Variants in SPPL2A observed in about 807,000 individuals in gnomAD.
The protein encoded by SPPL2A is signal peptide peptidase-like 2A.
In SPPL2A, 51 loss-of-function variants were observed where a neutral mutation model predicts 63.8. That is an observed-to-expected ratio of 0.80 (90% confidence interval 0.64 to 1.01). The LOEUF is 1.01. Ranked by LOEUF, SPPL2A falls within the 50% of genes least tolerant of loss-of-function variation. The pLI, the probability that SPPL2A is intolerant of heterozygous loss-of-function variation, is 0.00. For synonymous variants in SPPL2A, 188 were observed against 205.8 expected, an observed-to-expected ratio of 0.91 and a Z score of 0.74; for missense variants, 553 against 622.7, an observed-to-expected ratio of 0.89 and a Z score of 1.19.
intron 14 of SPPL2A, among the ~76,000 whole-genome samples, chr15:50,708,771 T>C (rs12913657): frequency 0.13 from 19,754 of 151,142 alleles, 1,320 homozygotes; most frequent in Middle Eastern, 0.2. Flanking sequence ...CGGTGGCTCA[T>C]GCCTGTAATC....
chr15:50,741,765 A>G (rs1013659950), intron 5 of SPPL2A, among the ~76,000 whole-genome samples: 2 of 152,072 alleles, frequency 1.3e-5, no homozygotes, highest in African/African-American at 2.4e-5. Flanking sequence ...TCAGGAGTTG[A>G]TACCAGCCTG....
At chr15:50,744,111 G>A (rs1299832306) in intron 5 of SPPL2A, among the ~76,000 whole-genome samples, 1 of 151,758 alleles carries the variant, frequency 6.6e-6, no homozygotes, top group African/African-American at 2.4e-5. Context: ...CCTGGGAGGT[G>A]GAGGTTGCAG....
intron 1 of SPPL2A, among the ~76,000 whole-genome samples, chr15:50,759,072 TAA>T (rs1452149575): frequency 1.3e-5 from 2 of 152,024 alleles, no homozygotes; most frequent in African/African-American, 4.8e-5. Flanking sequence ...GGCTAATTTA[TAA>T]AGTTTTTTTA....
intron 4 of SPPL2A, 27 bp downstream of exon 4, chr15:50,748,084 CTT>C (rs752657769): frequency 2.2e-6 from 2 of 894,104 alleles, no homozygotes; most frequent in East Asian, 3.0e-5. Flanking sequence ...TATTTATAAA[CTT>C]TATCTAATAT....
chr15:50,744,842 G>C (rs1373200736), intron 5 of SPPL2A, among the ~76,000 whole-genome samples: 2 of 152,200 alleles, frequency 1.3e-5, no homozygotes, highest in Non-Finnish European at 2.9e-5. Flanking sequence ...TTTAGCAGCA[G>C]ATGTGGTGGC....
chr15:50,744,017 A>C (rs1596391945), intron 5 of SPPL2A, among the ~76,000 whole-genome samples: 1 of 152,072 alleles, frequency 6.6e-6, no homozygotes, highest in East Asian at 1.9e-4. Flanking sequence ...TCTACTAAAA[A>C]AAATACAAAA....
chr15:50,736,444 G>T (rs1596387410), intron 7 of SPPL2A, among the ~76,000 whole-genome samples, 200 bp downstream of exon 7: 1 of 152,098 alleles, frequency 6.6e-6, no homozygotes, highest in Admixed American at 6.6e-5. Flanking sequence ...GTCATATGTG[G>T]CTATTGAGCA....
intron 8 of SPPL2A, among the ~76,000 whole-genome samples, chr15:50,734,815 C>T: frequency 6.6e-6 from 1 of 152,268 alleles, no homozygotes; most frequent in Non-Finnish European, 1.5e-5. Flanking sequence ...ATTATGTTCC[C>T]ATAATAATTA....
At chr15:50,718,089 A>G (rs1383656155) in intron 14 of SPPL2A, among the ~76,000 whole-genome samples, 2 of 147,564 alleles carry the variant, frequency 1.4e-5, no homozygotes, top group Non-Finnish European at 3.0e-5. Context: ...CTCCTGCCTC[A>G]GCCTCCCGAG....
At chr15:50,739,008 A>T (rs569626486) in intron 6 of SPPL2A, among the ~76,000 whole-genome samples, 2 of 152,202 alleles carry the variant, frequency 1.3e-5, no homozygotes, top group Non-Finnish European at 2.9e-5. Context: ...TAATTTGAAT[A>T]ATCTTCTATT....
chr15:50,710,870 C>G (rs2062550677), intron 14 of SPPL2A, among the ~76,000 whole-genome samples: 1 of 152,176 alleles, frequency 6.6e-6, no homozygotes, highest in Admixed American at 6.6e-5. Flanking sequence ...AACTTACTAC[C>G]TGCCCAGAGA....
At chr15:50,743,812 C>T (rs2062838966) in intron 5 of SPPL2A, among the ~76,000 whole-genome samples, 1 of 152,058 alleles carries the variant, frequency 6.6e-6, no homozygotes, top group Admixed American at 6.6e-5. Context: ...AAAATTATTT[C>T]TAAAGTTTCC....
At chr15:50,747,168 TTGC>T (rs1008494887) in intron 5 of SPPL2A, among the ~76,000 whole-genome samples, 5 of 152,314 alleles carry the variant, frequency 3.3e-5, no homozygotes, top group Admixed American at 2.6e-4. Context: ...CCACTTTCTC[TTGC>T]TTATTTTCTT....
intron 1 of SPPL2A, among the ~76,000 whole-genome samples, chr15:50,751,988 G>A (rs1323870387): frequency 6.6e-6 from 1 of 151,874 alleles, no homozygotes; most frequent in East Asian, 1.9e-4. Context: ...CTGCCACCAC[G>A]CACAGCTAAT....
At chr15:50,731,886 C>A (rs1034041961) in intron 9 of SPPL2A, among the ~76,000 whole-genome samples, 16 of 142,588 alleles carry the variant, frequency 1.1e-4, no homozygotes, top group African/African-American at 4.2e-4. Flanking sequence ...CGAGATCACA[C>A]CACTGCACTC....
chr15:50,726,129 A>G (rs1449592742), intron 11 of SPPL2A, 192 bp downstream of exon 11: 2 of 1,519,756 alleles, frequency 1.3e-6, no homozygotes, highest in Admixed American at 2.0e-5. Flanking sequence ...CCATCATTCT[A>G]GGATGAAACC....
chr15:50,744,336 T>C (rs1309579673), intron 5 of SPPL2A, among the ~76,000 whole-genome samples: 1 of 152,214 alleles, frequency 6.6e-6, no homozygotes, highest in Non-Finnish European at 1.5e-5. Context: ...ACTCTTAACA[T>C]TTCCCTCTTG....
At chr15:50,752,984 A>G (rs71471515) in intron 1 of SPPL2A, among the ~76,000 whole-genome samples, 1 of 152,298 alleles carries the variant, frequency 6.6e-6, no homozygotes, top group South Asian at 2.1e-4. Flanking sequence ...CTTGTGATTC[A>G]TATCTACAGA....
At chr15:50,752,825 C>T (rs549616653) in intron 1 of SPPL2A, among the ~76,000 whole-genome samples, 1 of 152,072 alleles carries the variant, frequency 6.6e-6, no homozygotes, top group East Asian at 1.9e-4. Context: ...GCTATACATC[C>T]AGATCCAGCC....
Sources: allele counts gnomAD v4.1 joint callset (sites outside exome capture counted in the v4.1 genomes callset), GRCh38; gene constraint gnomAD v4.1.1; transcripts MANE v1.5; gene names NCBI Gene and HGNC (gene_info 2026-07-23, HGNC 2026-07-21).